Variants in KIF6 observed in about 807,000 individuals in gnomAD.
KIF6 encodes the protein kinesin-like protein KIF6.
KIF6 carries 106 observed loss-of-function variants against 112.7 expected under a neutral mutation model. The observed-to-expected ratio is 0.94, with a 90% confidence interval of 0.80 to 1.11. KIF6 has a LOEUF of 1.11. KIF6 is among the 50% of genes least tolerant of loss of function. The pLI is 0.00. For missense variants in KIF6, 929 were observed against 964.0 expected (o/e 0.96, Z 0.48); for synonymous variants, 339 against 339.9 (o/e 1.00, Z 0.03).
chr6:39,415,764 G>A (rs550752868), intron 15 of KIF6, among the ~76,000 whole-genome samples: 13 of 152,228 alleles, frequency 8.5e-5, no homozygotes, highest in Admixed American at 1.3e-4. Context: ...TTATTCTGCC[G>A]ACAGAGACCC....
chr6:39,633,331 A>T (rs1007646535), intron 5 of KIF6, among the ~76,000 whole-genome samples: 3 of 152,106 alleles, frequency 2.0e-5, no homozygotes, highest in East Asian at 1.9e-4. Flanking sequence ...CCCTTAAGAG[A>T]GGTAACATAA....
At chr6:39,572,659 CTTTTTTTT>C (rs35901482) in intron 10 of KIF6, among the ~76,000 whole-genome samples, 2 of 102,218 alleles carry the variant, frequency 2.0e-5, no homozygotes, top group African/African-American at 3.6e-5. Flanking sequence ...GATCTACAGG[CTTTTTTTT>C]TTTTTTTTTT....
At position 39,596,272 on chromosome 6, in the gene KIF6, T is replaced by C. The variant is rs1008809945; in HGVS notation, c.640-12A>G. ...TGGTTCATAGGAGTCTATAAAAAAATTGCAAAACAAAAATTATTTGAACAA... is the reference window on the plus strand; with the variant it reads ...TGGTTCATAGGAGTCTATAAAAAAACTGCAAAACAAAAATTATTTGAACAA... On this transcript the variant is annotated splice_polypyrimidine_tract_variant and intron_variant, in intron 6 of 22. Transcript: ENST00000287152. 3 of 1,578,920 alleles carry C rather than the reference T, an allele frequency of 1.9e-6. No homozygotes were observed. The highest frequency in any genetic ancestry group is 1.1e-5 in the South Asian group (1 of 88,072).
chr6:39,345,108 A>G (rs908118517), intron 21 of KIF6, among the ~76,000 whole-genome samples: 1 of 152,252 alleles, frequency 6.6e-6, no homozygotes, highest in African/African-American at 2.4e-5. Context: ...GCCTCTGCAC[A>G]GCAGGAGGTG....
intron 10 of KIF6, among the ~76,000 whole-genome samples, chr6:39,552,056 T>A (rs533739535): frequency 3.0e-4 from 45 of 152,334 alleles, no homozygotes; most frequent in African/African-American, 1.1e-3. Flanking sequence ...TCCCAGGTGA[T>A]CTGCATACAC....
intron 14 of KIF6, among the ~76,000 whole-genome samples, chr6:39,423,353 G>A (rs997564944): frequency 3.3e-5 from 5 of 152,246 alleles, no homozygotes; most frequent in African/African-American, 1.2e-4. Flanking sequence ...CGGCTCTTCT[G>A]TCTTTTTCCC....
At chr6:39,584,074 G>A (rs964978888) in intron 9 of KIF6, among the ~76,000 whole-genome samples, 3 of 151,906 alleles carry the variant, frequency 2.0e-5, no homozygotes, top group Admixed American at 2.0e-4. Context: ...GTAAAATATG[G>A]TTCTACTGAA....
intron 16 of KIF6, among the ~76,000 whole-genome samples, chr6:39,381,291 AAAAG>A (rs1766915171): frequency 6.6e-6 from 1 of 152,216 alleles, no homozygotes; most frequent in African/African-American, 2.4e-5. Context: ...ACATGTAGGC[AAAAG>A]AAAGAAACAA....
chr6:39,567,024 C>T (rs538484003), intron 10 of KIF6, among the ~76,000 whole-genome samples: 139 of 152,148 alleles, frequency 9.1e-4, no homozygotes, highest in Middle Eastern at 3.4e-3. Context: ...ACTTTTTCTT[C>T]CTGTGTGCAT....
At chr6:39,612,321 G>T (rs556450734) in intron 6 of KIF6, among the ~76,000 whole-genome samples, 1 of 152,244 alleles carries the variant, frequency 6.6e-6, no homozygotes, top group African/African-American at 2.4e-5. Context: ...TGGAAGGGTG[G>T]TTTAAAAAGA....
At chr6:39,460,208 G>A (rs1371213103) in intron 13 of KIF6, among the ~76,000 whole-genome samples, 1 of 131,242 alleles carries the variant, frequency 7.6e-6, no homozygotes, top group Non-Finnish European at 1.6e-5. Flanking sequence ...AAAATGATGA[G>A]TTCATGTCCT....
In KIF6 at chr6:39,570,502, T is replaced by C. The variant is rs570600206; in HGVS notation, c.1181+7554A>G. ...GGATGAATTCAGTTGGCAATCCACC[T>C]ATAGTAAGCTTGCACGTAGGAAGAT... On this transcript the variant is annotated intron_variant, in intron 10 of 22. Transcript: ENST00000287152. 4.6e-5 allele frequency among the ~76,000 whole-genome samples: 7 copies of C among 152,358 alleles called. No individual in the cohort carries two copies. The South Asian group carries it at 1.4e-3, about 32-fold the overall frequency.
rs535455284 is a variant in KIF6 at position 39,414,526 on chromosome 6, G to A, written c.1810+5422C>T. ...ATGGGCAGATGTAACGCTGAGTGGCGCACATGGGATGGAGAGCAAGGGCAG... is the reference window on the plus strand; with the variant it reads ...ATGGGCAGATGTAACGCTGAGTGGCACACATGGGATGGAGAGCAAGGGCAG... On this transcript the variant is annotated intron_variant, in intron 15 of 22. Coordinates refer to ENST00000287152, the MANE Select transcript of KIF6 (RefSeq NM_145027.6). Among the ~76,000 whole-genome samples the A allele has an allele frequency of 5.9e-5, 9 of 152,280 alleles. No individual in the cohort carries two copies. The South Asian group carries it at 1.2e-3, about 21-fold the overall frequency.
At chr6:39,670,551 G>C (rs992433199) in intron 3 of KIF6, among the ~76,000 whole-genome samples, 1 of 152,184 alleles carries the variant, frequency 6.6e-6, no homozygotes, top group Non-Finnish European at 1.5e-5. Flanking sequence ...TTCACATTGA[G>C]TAGGGTGAGG....
intron 4 of KIF6, among the ~76,000 whole-genome samples, chr6:39,636,821 T>G (rs1040375649): frequency 1.3e-5 from 2 of 152,042 alleles, no homozygotes; most frequent in African/African-American, 4.8e-5. Context: ...TGAGTTCTTC[T>G]TAGCATCAGA....
intron 9 of KIF6, among the ~76,000 whole-genome samples, chr6:39,582,385 T>C (rs1203275699): frequency 3.9e-5 from 6 of 152,094 alleles, no homozygotes; most frequent in Admixed American, 1.3e-4. Flanking sequence ...GAGGTACCAA[T>C]ACTTTTTTTG....
intron 7 of KIF6, 51 bp downstream of exon 7, chr6:39,596,003 T>C: frequency 7.1e-7 from 1 of 1,411,374 alleles, no homozygotes; most frequent in Non-Finnish European, 1.0e-6. Flanking sequence ...TAGTATGTGG[T>C]CAACACATGG....
At chr6:39,423,336 A>C (rs1770515135) in intron 14 of KIF6, among the ~76,000 whole-genome samples, 1 of 152,088 alleles carries the variant, frequency 6.6e-6, no homozygotes, top group Non-Finnish European at 1.5e-5. Context: ...TTGGCTTCCA[A>C]GGGCCCCGGC....
chr6:39,447,992 T>G (rs1772437597), intron 13 of KIF6, among the ~76,000 whole-genome samples: 1 of 152,170 alleles, frequency 6.6e-6, no homozygotes, highest in East Asian at 1.9e-4. Flanking sequence ...TGAGCGGCAG[T>G]GATACGTTTC....
Sources: gnomAD v4.1 joint callset for allele counts (sites outside exome capture counted in the v4.1 genomes callset) on GRCh38, gnomAD v4.1.1 for gene constraint, MANE v1.5 for transcripts, NCBI Gene and HGNC (gene_info 2026-07-23, HGNC 2026-07-21) for gene names.